The following PCSK1N variants were observed in gnomAD, a reference collection of about 807,000 sequenced individuals.
The protein encoded by PCSK1N is proprotein convertase subtilisin/kexin type 1 inhibitor.
A neutral mutation model predicts 10.6 loss-of-function variants in PCSK1N; 8 were observed. That is an observed-to-expected ratio of 0.76 (90% CI 0.44 to 1.37). PCSK1N has a LOEUF of 1.37. Ranked by LOEUF, PCSK1N falls within the 40% of genes most tolerant of loss-of-function variation. PCSK1N has a pLI of 0.00. For missense variants in PCSK1N, 301 were observed against 268.5 expected (o/e 1.12, Z -0.84); for synonymous variants, 143 against 137.1 (o/e 1.04, Z -0.30).
Position 48,831,329 on chromosome X carries a change from C to A in PCSK1N, c.714G>T (p.Ala238=). The A allele has an allele frequency of 1.7e-6, 2 of 1,167,725 alleles. No individual in the cohort carries two copies. Among genetic ancestry groups the A allele is most frequent in the Non-Finnish European group, 2.3e-6 (2 of 875,953 alleles). Reference sequence around the variant, plus strand: ...TCTCTAGGCGTTTCACACGCAGCAGCGCCCCCAGCACGCCCTCAGGGGGCA... The same window carrying A: ...TCTCTAGGCGTTTCACACGCAGCAGAGCCCCCAGCACGCCCTCAGGGGGCA... ...SELPPEGVLG[A]LLRVKRLETP... is the part of the protein sequence containing the mutation. Residue 238 remains alanine, a synonymous_variant, in exon 3 of 3, where the codon GCG becomes GCT. Transcript: ENST00000218230.
chrX:48,833,102 G>A (rs962838629), intron 1 of PCSK1N, among the ~76,000 whole-genome samples: 3 of 112,577 alleles, frequency 2.7e-5, no homozygotes, highest in Non-Finnish European at 5.6e-5. Context: ...ATTGGGCCAC[G>A]TGTAGTGGTT....
intron 1 of PCSK1N, 67 bp from the exon 2 acceptor site, chrX:48,832,408 GGA>G: frequency 1.1e-6 from 1 of 926,103 alleles, no homozygotes. Flanking sequence ...CCCCAGCCCG[GGA>G]AGCTTCGTAG....
At position 48,831,377 on chromosome X, in the gene PCSK1N, G is replaced by T; in HGVS notation, c.666C>A (p.Ala222=). The T allele has an allele frequency of 9.0e-7, 1 of 1,113,369 alleles. No individual in the cohort carries two copies. 91.8% of individuals were successfully genotyped at this position (1,113,369 alleles called of 1,213,427 possible). Residue 222 remains alanine, a synonymous_variant, in exon 3 of 3, where the codon GCC becomes GCA. Coordinates refer to ENST00000218230, the MANE Select transcript of PCSK1N (RefSeq NM_013271.5). ...GCAGCTCAGAGCCCACATCGTGGTC[G>T]GCGGCACGGCGGAGGCGGCGCGGGG... ...VAAPRRLRRA[A]DHDVGSELPP...
At chrX:48,833,055 G>A (rs1468478934) in intron 1 of PCSK1N, among the ~76,000 whole-genome samples, 4 of 111,913 alleles carry the variant, frequency 3.6e-5, no homozygotes, top group African/African-American at 6.5e-5. Context: ...ATACATGATC[G>A]CCTATTTCAC....
At chrX:48,832,916 A>C (rs782711244) in intron 1 of PCSK1N, among the ~76,000 whole-genome samples, 1 of 112,045 alleles carries the variant, frequency 8.9e-6, no homozygotes, top group Non-Finnish European at 1.9e-5. Context: ...CATACAGGCC[A>C]CATATAAATA....
chrX:48,831,724 G>T, intron 2 of PCSK1N, 145 bp downstream of exon 2: 1 of 467,104 alleles, frequency 2.1e-6, no homozygotes, highest in East Asian at 4.6e-5. Flanking sequence ...TCCTTGCCTG[G>T]ACTCCCTGGA....
intron 1 of PCSK1N, among the ~76,000 whole-genome samples, chrX:48,833,581 A>G (rs1302357696): frequency 8.9e-6 from 1 of 111,796 alleles, no homozygotes; most frequent in Non-Finnish European, 1.9e-5. Flanking sequence ...AATTTTGCAG[A>G]GCGGTTTGAC....
intron 1 of PCSK1N, among the ~76,000 whole-genome samples, chrX:48,835,117 C>T (rs1239614237): frequency 8.9e-6 from 1 of 112,882 alleles, no homozygotes; most frequent in Non-Finnish European, 1.9e-5. Context: ...CGCGCCCTTT[C>T]TTAAAGCGCC....
chrX:48,833,584 G>A (rs889442543), intron 1 of PCSK1N, among the ~76,000 whole-genome samples: 3 of 111,574 alleles, frequency 2.7e-5, no homozygotes, highest in Admixed American at 1.9e-4. Context: ...TTTGCAGAGC[G>A]GTTTGACAAT....
intron 1 of PCSK1N, 107 bp downstream of exon 1, chrX:48,835,312 G>A: frequency 2.8e-6 from 1 of 357,678 alleles, no homozygotes; most frequent in Non-Finnish European, 4.3e-6. Flanking sequence ...CTCTCCGCAC[G>A]TCCCGGGAGC....
chrX:48,834,064 G>T (rs1386286025), intron 1 of PCSK1N, among the ~76,000 whole-genome samples: 1 of 110,895 alleles, frequency 9.0e-6, no homozygotes, highest in Non-Finnish European at 1.9e-5. Context: ...GATTTTTTTT[G>T]AGAGCTACAC....
At chrX:48,835,295 C>G in intron 1 of PCSK1N, 124 bp downstream of exon 1, 2 of 325,257 alleles carry the variant, frequency 6.1e-6, no homozygotes, top group Non-Finnish European at 9.8e-6. Flanking sequence ...GGGCCACCCT[C>G]GTCGATCTCT....
At position 48,831,854 on chromosome X, in the gene PCSK1N, C is replaced by A; in HGVS notation, c.587+15G>T. 2.9e-6 allele frequency: 3 copies of A among 1,038,232 alleles called. No individual in the cohort carries two copies. The highest frequency in any genetic ancestry group is 3.8e-4 in the Middle Eastern group (1 of 2,615). The allele number at this position is 1,038,232 out of a possible 1,213,427, so 85.6% of individuals were successfully genotyped here. On this transcript the variant is annotated intron_variant, in intron 2 of 2. Transcript: ENST00000218230. Reference sequence around the variant, plus strand: ...GACGCAGGCGCCCGACCCCTCCCCACCCCCTGCCGGGCACCTCAACAGCTC... The same window carrying A: ...GACGCAGGCGCCCGACCCCTCCCCAACCCCTGCCGGGCACCTCAACAGCTC...
chrX:48,834,879 CATA>C (rs1263787426), intron 1 of PCSK1N: 1 of 110,121 alleles, frequency 9.1e-6, no homozygotes, highest in African/African-American at 3.3e-5. Context: ...AGCCAACACA[CATA>C]ATAAGGATTC....
chrX:48,832,178 G>C lies in PCSK1N; in HGVS notation c.278C>G (p.Ala93Gly). The change falls in exon 2 of 3, where the codon GCC (alanine) becomes GGC (glycine). Residue 93 changes from alanine (A) to glycine (G), a missense_variant. By Grantham distance (60) the Ala-to-Gly change is moderately conservative. Coordinates refer to ENST00000218230, the MANE Select transcript of PCSK1N (RefSeq NM_013271.5). ...LEAERQERAR[A>G]EAQEAEDQQA... ...CTGATCCTCAGCCTCCTGCGCCTCG[G>C]CCCGCGCCCGCTCCTGACGTTCGGC... The C allele has an allele frequency of 8.7e-7, 1 of 1,153,672 alleles. No homozygotes were observed. The highest frequency in any genetic ancestry group is 1.1e-6 in the Non-Finnish European group (1 of 873,527).
At chrX:48,831,797 G>C in intron 2 of PCSK1N, 72 bp downstream of exon 2, 1 of 835,018 alleles carries the variant, frequency 1.2e-6, no homozygotes, top group Non-Finnish European at 1.6e-6. Context: ...GGGGTAAGCA[G>C]GCTTCCCAGT....
chrX:48,831,623 C>T (rs2063172916), intron 2 of PCSK1N, among the ~76,000 whole-genome samples, 168 bp from the exon 3 acceptor site: 1 of 112,382 alleles, frequency 8.9e-6, no homozygotes, highest in African/African-American at 3.2e-5. Context: ...CAGCCGTCAT[C>T]GCCTTTCATC....
At position 48,832,222 on chromosome X, in the gene PCSK1N, C is replaced by A; in HGVS notation, c.234G>T (p.Ala78=). The part of the protein sequence containing the change: ...AAGAVQELAR[A]LAHLLEAERQ... ...GTTCGGCCTCCAGCAGATGCGCCAG[C>A]GCCCGCGCCAGCTCCTGCACCGCCC... The change falls in exon 2 of 3, where the codon GCG becomes GCT. Residue 78 remains alanine (A), a synonymous_variant. Coordinates refer to ENST00000218230, the MANE Select transcript of PCSK1N (RefSeq NM_013271.5). 1 of 1,154,859 alleles carries A rather than the reference C, an allele frequency of 8.7e-7. No homozygotes were observed. The highest frequency in any genetic ancestry group is 1.1e-6 in the Non-Finnish European group (1 of 872,300).
chrX:48,831,975 C>T lies in PCSK1N; in HGVS notation c.481G>A (p.Ala161Thr), dbSNP rs1602291839. 7 of 1,064,550 alleles carry T rather than the reference C, an allele frequency of 6.6e-6. No individual in the cohort carries two copies. Among genetic ancestry groups the T allele is most frequent in the African/African-American group, 2.0e-5 (1 of 51,035 alleles). The allele number at this position is 1,064,550 out of a possible 1,213,427, so 87.7% of individuals were successfully genotyped here. ...AAQLVPAPVP[A>T]AALRPRPPVY... ...GGGGGCCGGGGTCGGAGCGCCGCGG[C>T]GGGGACGGGCGCGGGGACAAGCTGG... is the stretch of plus-strand genomic sequence containing the variant. The change falls in exon 2 of 3, where the codon GCC becomes ACC. Residue 161 changes from alanine (A) to threonine (T), a missense_variant. Physicochemically the swap from Ala to Thr is moderately conservative, Grantham distance 58 (BLOSUM62 0). Transcript: ENST00000218230.
Sources: allele counts gnomAD v4.1 joint callset (sites outside exome capture counted in the v4.1 genomes callset), GRCh38; gene constraint gnomAD v4.1.1; transcripts MANE v1.5; gene names NCBI Gene and HGNC (gene_info 2026-07-23, HGNC 2026-07-21).